The following MYO3B variants were observed in gnomAD, a reference collection of about 807,000 sequenced individuals.
MYO3B encodes myosin-IIIb.
MYO3B carries 156 observed loss-of-function variants against 174.6 expected under a neutral mutation model. That is an observed-to-expected ratio of 0.89 (90% confidence interval 0.78 to 1.02). The LOEUF (loss-of-function observed/expected upper bound fraction) is 1.02. Among genes scored for constraint, MYO3B ranks in the 50% least tolerant of loss-of-function variants. MYO3B has a pLI of 0.00. For missense variants in MYO3B, 1,632 were observed against 1,639.4 expected, an observed-to-expected ratio of 1.00 and a Z score of 0.08; for synonymous variants, 563 against 569.1, an observed-to-expected ratio of 0.99 and a Z score of 0.15.
chr2:170,414,731 TTG>T (rs1266401136), intron 22 of MYO3B, among the ~76,000 whole-genome samples: 1 of 152,250 alleles, frequency 6.6e-6, no homozygotes, highest in Non-Finnish European at 1.5e-5. Flanking sequence ...GTCTATTTAT[TTG>T]GATCTTCTTT....
chr2:170,321,755 C>T (rs1225802162), intron 7 of MYO3B, among the ~76,000 whole-genome samples: 1 of 152,112 alleles, frequency 6.6e-6, no homozygotes, highest in African/African-American at 2.4e-5. Context: ...GATGCAGTAT[C>T]AGTGATACAC....
intron 6 of MYO3B, among the ~76,000 whole-genome samples, chr2:170,218,246 T>C (rs2092852184): frequency 6.6e-6 from 1 of 152,170 alleles, no homozygotes; most frequent in Non-Finnish European, 1.5e-5. Context: ...TGGCTCTTTC[T>C]TTCATACTGG....
chr2:170,511,528 A>G (rs1359851987), intron 28 of MYO3B, among the ~76,000 whole-genome samples: 1 of 152,184 alleles, frequency 6.6e-6, no homozygotes, highest in South Asian at 2.1e-4. Context: ...AGCAATTTAT[A>G]GTCTATTCAA....
chr2:170,304,835 G>C (rs1361962183), intron 7 of MYO3B, among the ~76,000 whole-genome samples: 3 of 150,896 alleles, frequency 2.0e-5, no homozygotes, highest in African/African-American at 7.3e-5. Context: ...TTAACCCTTT[G>C]ACTGTTATGT....
intron 34 of MYO3B, among the ~76,000 whole-genome samples, chr2:170,652,741 A>G (rs1407630825): frequency 6.6e-6 from 1 of 152,154 alleles, no homozygotes; most frequent in Non-Finnish European, 1.5e-5. Flanking sequence ...ATACGACCAC[A>G]ACTTCCAGAC....
intron 7 of MYO3B, among the ~76,000 whole-genome samples, chr2:170,293,171 G>A (rs566166464): frequency 5.3e-5 from 8 of 152,166 alleles, no homozygotes; most frequent in African/African-American, 9.6e-5. Context: ...GAAAATCTTG[G>A]CACTGTATAT....
In MYO3B at chr2:170,563,519, G is replaced by C. The variant is rs1691876635; in HGVS notation, c.3733+19531G>C. Among the ~76,000 whole-genome samples the C allele has an allele frequency of 2.0e-5, 3 of 152,176 alleles. No homozygotes were observed. The South Asian group carries it at 6.2e-4, about 32-fold the overall frequency. On this transcript the variant is annotated intron_variant, in intron 32 of 34. Transcript: ENST00000408978. The stretch of plus-strand genomic sequence containing the variant: ...GTCCCTTTCTTCCATCTGATTTCCT[G>C]ATAGGGCTCTCTATTGGCCAAACCA...
chr2:170,537,999 T>C (rs895646944), intron 30 of MYO3B, among the ~76,000 whole-genome samples: 1 of 152,230 alleles, frequency 6.6e-6, no homozygotes, highest in Non-Finnish European at 1.5e-5. Context: ...TTCTAACTTA[T>C]AATTGATAAA....
chr2:170,638,889 C>G (rs1697741919), intron 32 of MYO3B, among the ~76,000 whole-genome samples: 1 of 152,174 alleles, frequency 6.6e-6, no homozygotes, highest in Non-Finnish European at 1.5e-5. Flanking sequence ...CAATATGTGT[C>G]ACAACTTGAA....
At chr2:170,342,059 G>A (rs143026656) in intron 8 of MYO3B, 6 of 152,266 alleles carry the variant, frequency 3.9e-5, no homozygotes, top group African/African-American at 7.2e-5. Context: ...AAGGTTTAGC[G>A]TCATATGAAA....
chr2:170,609,722 CAG>C (rs995406398), intron 32 of MYO3B, among the ~76,000 whole-genome samples: 18 of 152,320 alleles, frequency 1.2e-4, no homozygotes, highest in Non-Finnish European at 2.2e-4. Context: ...TGGCCACTGC[CAG>C]CCCTGAGCCT....
At chr2:170,595,341 A>G (rs1324985417) in intron 32 of MYO3B, among the ~76,000 whole-genome samples, 1 of 152,132 alleles carries the variant, frequency 6.6e-6, no homozygotes, top group Non-Finnish European at 1.5e-5. Context: ...TAGATGAGGA[A>G]GACTGAATTA....
intron 7 of MYO3B, among the ~76,000 whole-genome samples, chr2:170,296,975 T>C (rs1372916564): frequency 6.6e-6 from 1 of 152,152 alleles, no homozygotes; most frequent in East Asian, 1.9e-4. Flanking sequence ...ACCGCACCCA[T>C]GATCCAATCG....
intron 7 of MYO3B, among the ~76,000 whole-genome samples, chr2:170,292,031 C>A (rs1358167559): frequency 1.3e-5 from 2 of 152,082 alleles, no homozygotes; most frequent in Non-Finnish European, 2.9e-5. Flanking sequence ...CCCCTTGCTC[C>A]TACTCACTTC....
intron 25 of MYO3B, among the ~76,000 whole-genome samples, chr2:170,480,767 G>A (rs797020010): frequency 8.5e-5 from 13 of 152,312 alleles, no homozygotes; most frequent in African/African-American, 2.9e-4. Context: ...CTTGCTTGTG[G>A]TGGGGAAAAA....
At chr2:170,440,057 T>G (rs765697115) in intron 22 of MYO3B, among the ~76,000 whole-genome samples, 9 of 152,178 alleles carry the variant, frequency 5.9e-5, no homozygotes, top group Non-Finnish European at 1.0e-4. Flanking sequence ...AACAGTTAAA[T>G]TTTATTCTTT....
At chr2:170,284,573 T>A (rs2093540138) in intron 7 of MYO3B, among the ~76,000 whole-genome samples, 2 of 152,124 alleles carry the variant, frequency 1.3e-5, no homozygotes, top group Admixed American at 6.5e-5. Flanking sequence ...AGGGAGCGAA[T>A]GAAAATTTTG....
chr2:170,601,934 G>T (rs1694535252), intron 32 of MYO3B: 1 of 829,632 alleles, frequency 1.2e-6, no homozygotes, highest in South Asian at 1.6e-5. Flanking sequence ...AAGGCCGAAG[G>T]AGGCCTCTTG....
Position 170,400,261 on chromosome 2 carries a change from C to G in MYO3B, c.1865C>G (p.Ser622Cys), listed in dbSNP as rs148136770. Residue 622 changes from serine (S) to cysteine (C), a missense_variant, in exon 17 of 35, where the codon TCT becomes TGT. By Grantham distance (112) the Ser-to-Cys change is moderately radical. Coordinates refer to ENST00000408978, the MANE Select transcript of MYO3B (RefSeq NM_138995.5). ...AACATTGAGTTCGCAGCTATTTCCT[C>G]TCAACATCAGACTGATAAAAGTGAG... ...IGNIEFAAIS[S>C]QHQTDKSEVP... The G allele has an allele frequency of 1.2e-6, 2 of 1,614,114 alleles. No homozygotes were observed. Among genetic ancestry groups the G allele is most frequent in the Admixed American group, 1.7e-5 (1 of 60,020 alleles).
Sources: allele counts gnomAD v4.1 joint callset (sites outside exome capture counted in the v4.1 genomes callset), GRCh38; gene constraint gnomAD v4.1.1; transcripts MANE v1.5; gene names NCBI Gene and HGNC (gene_info 2026-07-23, HGNC 2026-07-21).